Variants in MYO3B observed in about 807,000 individuals in gnomAD.
MYO3B encodes the protein myosin IIIB, also known as myosin-IIIb.
MYO3B carries 156 observed loss-of-function variants against 174.6 expected under a neutral mutation model. That is an observed-to-expected ratio of 0.89 (90% CI 0.78 to 1.02). The LOEUF (loss-of-function observed/expected upper bound fraction) is 1.02. Among genes scored for constraint, MYO3B ranks in the 50% least tolerant of loss-of-function variants. The probability of loss-of-function intolerance (pLI) is 0.00; values close to 1 mark genes in which losing one functional copy is unlikely to be tolerated. For missense variants in MYO3B, 1,632 were observed against 1,639.4 expected, an observed-to-expected ratio of 1.00 and a Z score of 0.08; for synonymous variants, 563 against 569.1, an observed-to-expected ratio of 0.99 and a Z score of 0.15.
chr2:170,435,624 T>A (rs2094747975), intron 22 of MYO3B, among the ~76,000 whole-genome samples: 1 of 152,244 alleles, frequency 6.6e-6, no homozygotes, highest in Non-Finnish European at 1.5e-5. Flanking sequence ...TTGTAACAGA[T>A]GAACTGAAGC....
intron 22 of MYO3B, among the ~76,000 whole-genome samples, chr2:170,428,757 A>G (rs1180179373): frequency 4.6e-5 from 7 of 152,186 alleles, no homozygotes; most frequent in Non-Finnish European, 4.4e-5. Flanking sequence ...CATAGCCACA[A>G]AGGGTGTTCA....
chr2:170,214,907 T>G, intron 5 of MYO3B, 79 bp downstream of exon 5: 1 of 1,076,748 alleles, frequency 9.3e-7, no homozygotes, highest in Non-Finnish European at 1.4e-6. Context: ...CTCAGAAGAC[T>G]GGGGCTTCTC....
intron 7 of MYO3B, among the ~76,000 whole-genome samples, chr2:170,297,684 G>A (rs564190745): frequency 6.6e-6 from 1 of 152,218 alleles, no homozygotes; most frequent in South Asian, 2.1e-4. Context: ...TTTCAGCTTG[G>A]TTTGTGTATA....
intron 32 of MYO3B, among the ~76,000 whole-genome samples, chr2:170,580,672 C>A (rs151159873): frequency 6.7e-6 from 1 of 150,372 alleles, no homozygotes; most frequent in East Asian, 1.9e-4. Flanking sequence ...ATATAAAAAA[C>A]CACTCCTCAA....
intron 22 of MYO3B, among the ~76,000 whole-genome samples, chr2:170,441,524 A>G (rs1401094647): frequency 6.6e-6 from 1 of 152,254 alleles, no homozygotes; most frequent in Non-Finnish European, 1.5e-5. Context: ...TAAAGGAATA[A>G]AAGAATGGCT....
intron 14 of MYO3B, among the ~76,000 whole-genome samples, chr2:170,390,508 G>T (rs150498162): frequency 6.6e-6 from 1 of 152,232 alleles, no homozygotes; most frequent in African/African-American, 2.4e-5. Flanking sequence ...CAGGGATAAA[G>T]AATGTCACAG....
At chr2:170,301,899 T>A (rs982732851) in intron 7 of MYO3B, among the ~76,000 whole-genome samples, 2 of 99,046 alleles carry the variant, frequency 2.0e-5, no homozygotes, top group African/African-American at 4.4e-5. Context: ...TTTTTTTTTT[T>A]AGGAGGCTGG....
chr2:170,582,539 C>T (rs1418620096), intron 32 of MYO3B, among the ~76,000 whole-genome samples: 2 of 152,168 alleles, frequency 1.3e-5, no homozygotes, highest in Non-Finnish European at 2.9e-5. Context: ...GACAGGTGCT[C>T]AGCAAGGCCT....
intron 32 of MYO3B, among the ~76,000 whole-genome samples, chr2:170,628,770 A>G (rs1014367144): frequency 3.9e-5 from 6 of 152,116 alleles, no homozygotes; most frequent in Non-Finnish European, 7.4e-5. Flanking sequence ...TTTACCAACA[A>G]TGGTCCATAC....
Position 170,199,296 on chromosome 2 carries a change from G to A in MYO3B, c.91G>A (p.Glu31Lys). Reference protein sequence around the residue: ...PDPTDTWEIIETIGKGTYGKV... With the variant: ...PDPTDTWEIIKTIGKGTYGKV... ...TCCCACAGACACCTGGGAAATTATA[G>A]AGACCATTGGTAAAGGCACCTATGG... Residue 31 changes from glutamate (E) to lysine (K), a missense_variant, in exon 2 of 35, where the codon GAG becomes AAG. Transcript: ENST00000408978. 2.5e-6 allele frequency: 4 copies of A among 1,613,480 alleles called. No homozygotes were observed. Among genetic ancestry groups the A allele is most frequent in the Non-Finnish European group, 3.4e-6 (4 of 1,179,642 alleles).
chr2:170,407,503 AAAAC>A (rs1475633036), intron 21 of MYO3B, among the ~76,000 whole-genome samples: 7 of 151,274 alleles, frequency 4.6e-5, no homozygotes, highest in Non-Finnish European at 8.8e-5. Flanking sequence ...AAACCCATAA[AAAAC>A]AAAAACCAAA....
At chr2:170,293,759 CCTTT>C (rs2093611111) in intron 7 of MYO3B, among the ~76,000 whole-genome samples, 1 of 151,912 alleles carries the variant, frequency 6.6e-6, no homozygotes, top group Admixed American at 6.6e-5. Context: ...AGGAAATTTC[CCTTT>C]CTTTAGAGTT....
chr2:170,480,303 G>A (rs568344940), intron 25 of MYO3B, among the ~76,000 whole-genome samples: 1 of 152,168 alleles, frequency 6.6e-6, no homozygotes, highest in Admixed American at 6.5e-5. Flanking sequence ...TATATCACAG[G>A]GGGAGGAATG....
intron 14 of MYO3B, among the ~76,000 whole-genome samples, chr2:170,388,092 T>A (rs1000771325): frequency 7.9e-5 from 12 of 152,040 alleles, no homozygotes; most frequent in Admixed American, 2.0e-4. Context: ...TTATTATTAT[T>A]GTAGGACACC....
In MYO3B at chr2:170,200,138, T is replaced by C. The variant is rs770567701; in HGVS notation, c.187-12T>C. Reference sequence around the variant, plus strand: ...AGATTTAATCCAGCTTGCATTTTTCTACCCTGTTTAGGATATGGATGAAGA... The same window carrying C: ...AGATTTAATCCAGCTTGCATTTTTCCACCCTGTTTAGGATATGGATGAAGA... On this transcript the variant is annotated splice_polypyrimidine_tract_variant and intron_variant, in intron 2 of 34. Transcript: ENST00000408978. The C allele has an allele frequency of 1.9e-6, 3 of 1,609,512 alleles. No homozygotes were observed. Among genetic ancestry groups the C allele is most frequent in the Admixed American group, 3.4e-5 (2 of 59,568 alleles).
At chr2:170,440,714 C>G (rs1223027715) in intron 22 of MYO3B, among the ~76,000 whole-genome samples, 1 of 150,062 alleles carries the variant, frequency 6.7e-6, no homozygotes, top group African/African-American at 2.5e-5. Context: ...GATCACACCA[C>G]TGCACTTCAG....
chr2:170,205,324 GGA>G (rs908008505), intron 3 of MYO3B, among the ~76,000 whole-genome samples: 5 of 152,116 alleles, frequency 3.3e-5, no homozygotes, highest in African/African-American at 1.2e-4. Context: ...AGTAGGGCAG[GGA>G]GAGAGACCAA....
At chr2:170,387,940 G>T (rs1284867889) in intron 14 of MYO3B, among the ~76,000 whole-genome samples, 1 of 152,090 alleles carries the variant, frequency 6.6e-6, no homozygotes, top group African/African-American at 2.4e-5. Context: ...CACCCTATCA[G>T]TGTTAGCTAC....
intron 23 of MYO3B, among the ~76,000 whole-genome samples, chr2:170,444,863 A>T (rs889045516): frequency 1.5e-4 from 23 of 152,204 alleles, no homozygotes; most frequent in African/African-American, 5.3e-4. Context: ...GCAAAACATT[A>T]GTACTATCTG....
Sources: gnomAD v4.1 joint callset for allele counts (sites outside exome capture counted in the v4.1 genomes callset) on GRCh38, gnomAD v4.1.1 for gene constraint, MANE v1.5 for transcripts, NCBI Gene and HGNC (gene_info 2026-07-23, HGNC 2026-07-21) for gene names.